LRP1B: variants seen among roughly 807,000 people sequenced by gnomAD.
LRP1B encodes the protein LDL receptor related protein 1B, also known as low-density lipoprotein receptor-related protein 1B.
LRP1B carries 217 observed loss-of-function variants against 556.6 expected under a neutral mutation model. The ratio of observed to expected loss-of-function variants is 0.39; its 90% CI spans 0.35 to 0.44. The LOEUF (loss-of-function observed/expected upper bound fraction) is 0.44, where lower values mean the gene tolerates loss of function less well. LRP1B is among the 20% of genes least tolerant of loss of function. LRP1B has a pLI of 1.00. For synonymous variants in LRP1B, 2,047 were observed against 1,865.8 expected, an observed-to-expected ratio of 1.10 and a Z score of -2.50; for missense variants, 5,053 against 5,620.8, an observed-to-expected ratio of 0.90 and a Z score of 3.23.
At chr2:141,488,855 T>C (rs1683213879) in intron 2 of LRP1B, among the ~76,000 whole-genome samples, 1 of 152,128 alleles carries the variant, frequency 6.6e-6, no homozygotes, top group Non-Finnish European at 1.5e-5. Flanking sequence ...AAATTAACTT[T>C]CCTGGAATTA....
intron 3 of LRP1B, among the ~76,000 whole-genome samples, chr2:141,316,250 CA>C (rs1687031858): frequency 6.6e-6 from 1 of 152,044 alleles, no homozygotes; most frequent in Admixed American, 6.6e-5. Flanking sequence ...ACAGTACTAG[CA>C]ATACATTTGT....
At chr2:141,940,090 C>A (rs1021408233) in intron 1 of LRP1B, among the ~76,000 whole-genome samples, 3 of 152,004 alleles carry the variant, frequency 2.0e-5, no homozygotes, top group Non-Finnish European at 2.9e-5. Context: ...GACTCAATTG[C>A]AGTGCAGTTA....
intron 7 of LRP1B, among the ~76,000 whole-genome samples, chr2:141,140,792 T>C (rs949297835): frequency 6.6e-6 from 1 of 152,138 alleles, no homozygotes; most frequent in Non-Finnish European, 1.5e-5. Context: ...AATACAAGTG[T>C]TTTTAAAAAT....
intron 1 of LRP1B, among the ~76,000 whole-genome samples, chr2:141,891,821 G>A (rs531434457): frequency 3.3e-5 from 5 of 152,034 alleles, no homozygotes; most frequent in East Asian, 3.9e-4. Context: ...TGGATCAAAC[G>A]GAAAACTTTC....
chr2:142,112,506 TAAA>T (rs1240723224), intron 1 of LRP1B, among the ~76,000 whole-genome samples: 6 of 151,896 alleles, frequency 4.0e-5, no homozygotes, highest in Admixed American at 3.9e-4. Flanking sequence ...GGGAGGGAAA[TAAA>T]GAAGATGAGT....
intron 3 of LRP1B, among the ~76,000 whole-genome samples, chr2:141,445,059 G>T (rs1681135849): frequency 6.6e-6 from 1 of 152,114 alleles, no homozygotes; most frequent in Non-Finnish European, 1.5e-5. Context: ...TCTGGTCCTG[G>T]ACTTGTTTTG....
intron 77 of LRP1B, among the ~76,000 whole-genome samples, chr2:140,350,011 C>A (rs980698137): frequency 2.6e-5 from 4 of 152,160 alleles, no homozygotes; most frequent in Admixed American, 2.6e-4. Context: ...AGATAGGAAC[C>A]TCTAATTTTT....
intron 3 of LRP1B, among the ~76,000 whole-genome samples, chr2:141,353,681 T>A (rs1215515870): frequency 6.6e-6 from 1 of 151,954 alleles, no homozygotes; most frequent in East Asian, 1.9e-4. Flanking sequence ...TCCTTGGACA[T>A]ACAAGTTTTT....
At chr2:142,051,428 A>G (rs986899147) in intron 1 of LRP1B, among the ~76,000 whole-genome samples, 1 of 151,746 alleles carries the variant, frequency 6.6e-6, no homozygotes, top group Non-Finnish European at 1.5e-5. Context: ...ATAATGGTGG[A>G]AAAAAGTAAC....
chr2:140,235,815 A>T (rs1680671598), intron 89 of LRP1B, among the ~76,000 whole-genome samples: 1 of 137,548 alleles, frequency 7.3e-6, no homozygotes. Flanking sequence ...AGGAAAAAAT[A>T]ACCCTCCTTC....
At chr2:140,717,369 T>C (rs989105208) in intron 35 of LRP1B, among the ~76,000 whole-genome samples, 4 of 152,100 alleles carry the variant, frequency 2.6e-5, no homozygotes, top group Non-Finnish European at 5.9e-5. Context: ...ATAATCCGAT[T>C]ATTCCTTCTA....
rs1490031941 is a variant in LRP1B, at chr2:141,019,929, C to T, written c.1963G>A (p.Val655Ile). Residue 655 changes from valine to isoleucine, a missense_variant, in exon 12 of 91, where the codon GTT becomes ATT. Coordinates refer to ENST00000389484, the MANE Select transcript of LRP1B (RefSeq NM_018557.3). ...SHPRGIVVDPVNGWMYWTDWE... is the reference protein window; with the variant it reads ...SHPRGIVVDPINGWMYWTDWE... The stretch of plus-strand genomic sequence containing the variant: ...TAGTCAAATATTGCATACCCATTAA[C>T]TGGATCCACCACAATTCCTCTGGGA... The T allele has an allele frequency of 6.3e-7, 1 of 1,590,676 alleles. No homozygotes were observed. Among genetic ancestry groups the T allele is most frequent in the East Asian group, 2.3e-5 (1 of 44,236 alleles).
At chr2:141,111,135 T>C (rs1574083393) in intron 7 of LRP1B, among the ~76,000 whole-genome samples, 2 of 152,250 alleles carry the variant, frequency 1.3e-5, no homozygotes, top group East Asian at 3.9e-4. Context: ...AGAGACTGTA[T>C]TGTTTGACCA....
At chr2:140,472,841 T>A (rs1687825650) in intron 60 of LRP1B, among the ~76,000 whole-genome samples, 1 of 152,106 alleles carries the variant, frequency 6.6e-6, no homozygotes, top group Non-Finnish European at 1.5e-5. Context: ...AAAAGTCTCA[T>A]ATGTTTTTTA....
At chr2:141,027,010 T>C (rs986272095) in intron 11 of LRP1B, among the ~76,000 whole-genome samples, 9 of 152,076 alleles carry the variant, frequency 5.9e-5, no homozygotes, top group South Asian at 2.1e-4. Flanking sequence ...CTGCTTTGTA[T>C]TCAAATTTGA....
chr2:141,218,303 CA>C (rs976514265), intron 6 of LRP1B, among the ~76,000 whole-genome samples: 17 of 152,134 alleles, frequency 1.1e-4, no homozygotes, highest in Non-Finnish European at 2.4e-4. Flanking sequence ...CAAAGGAAAA[CA>C]AATCATTCCA....
chr2:141,927,211 C>G (rs1256536532), intron 1 of LRP1B, among the ~76,000 whole-genome samples: 1 of 152,012 alleles, frequency 6.6e-6, no homozygotes, highest in Non-Finnish European at 1.5e-5. Flanking sequence ...TAATAGATTA[C>G]CATCATACAT....
chr2:140,461,603 G>C (rs1687321529), intron 60 of LRP1B, among the ~76,000 whole-genome samples: 1 of 152,138 alleles, frequency 6.6e-6, no homozygotes, highest in South Asian at 2.1e-4. Flanking sequence ...GGGAGGCCGA[G>C]GCAAGCTGAT....
intron 7 of LRP1B, among the ~76,000 whole-genome samples, chr2:141,104,566 T>C (rs1211790031): frequency 6.6e-6 from 1 of 152,084 alleles, no homozygotes; most frequent in African/African-American, 2.4e-5. Flanking sequence ...TTTCCTCTTC[T>C]CCGCTAGATT....
Sources: allele counts gnomAD v4.1 joint callset (sites outside exome capture counted in the v4.1 genomes callset), GRCh38; gene constraint gnomAD v4.1.1; transcripts MANE v1.5; gene names NCBI Gene and HGNC (gene_info 2026-07-23, HGNC 2026-07-21).